The following HTD2 variants were observed in gnomAD, a reference collection of about 807,000 sequenced individuals.
HTD2 encodes hydroxyacyl-thioester dehydratase type 2, also known as hydroxyacyl-thioester dehydratase type 2, mitochondrial.
Under a neutral mutation model 3.1 loss-of-function variants are expected in HTD2, and 1 was observed. The observed-to-expected ratio is 0.32, with a 90% CI of 0.11 to 1.52. HTD2 has a LOEUF of 1.52. Ranked by LOEUF, HTD2 falls within the 40% of genes most tolerant of loss-of-function variation. HTD2 has a pLI of 0.39. For synonymous variants in HTD2, 50 were observed against 28.9 expected (o/e 1.73, Z -2.34); for missense variants, 150 against 79.6 (o/e 1.88, Z -3.36).
chr3:58,308,127 C>A (rs1273724502), intron 1 of HTD2: 2 of 152,106 alleles, frequency 1.3e-5, no homozygotes, highest in Non-Finnish European at 2.9e-5. Flanking sequence ...TTCTCCCTGC[C>A]CTTCTAGTTA....
chr3:58,316,776 T>TA lies in HTD2; in HGVS notation c.-253-138dup, dbSNP rs552071724. 117 of 884,546 alleles carry TA rather than the reference T, an allele frequency of 1.3e-4. No individual in the cohort carries two copies. In the East Asian group the frequency reaches 2.3e-3, roughly 18 times the overall value. 54.8% of individuals were successfully genotyped at this position (884,546 alleles called of 1,614,324 possible). The stretch of plus-strand genomic sequence containing the variant: ...CTTGTACTCTAGAGAGGGCAAAACT[T>TA]ACGATTTGGTTACAGCTGTAGTTTT... On this transcript the variant is annotated intron_variant, in intron 3 of 4. Coordinates refer to ENST00000461393, the MANE Select transcript of HTD2 (RefSeq NM_001348712.2).
rs981160076 is a variant in HTD2, at chr3:58,319,907, C to T, written c.*1787C>T. ...TTTTCAGAATATCCACAAAGTTGTA[C>T]AACCATCACCAAATCAATTTTTTAT... On this transcript the variant is annotated 3_prime_UTR_variant, in exon 5 of 5. Coordinates refer to ENST00000461393, the MANE Select transcript of HTD2 (RefSeq NM_001348712.2). 3 of 152,098 alleles carry T rather than the reference C, an allele frequency of 2.0e-5. No homozygotes were observed. Among genetic ancestry groups the T allele is most frequent in the Non-Finnish European group, 4.4e-5 (3 of 68,010 alleles). The allele number at this position is 152,098 out of a possible 1,614,324, so 9.4% of individuals were successfully genotyped here. A position where few individuals can be genotyped will look rare whatever the true frequency, so the allele number is the denominator to read the frequency against.
chr3:58,308,067 TAAA>T (rs10576231), intron 1 of HTD2: 10,552 of 152,096 alleles, frequency 0.069, 469 homozygotes, highest in Middle Eastern at 0.088. Context: ...GCAGTAACAC[TAAA>T]AAACATTTAT....
intron 2 of HTD2, among the ~76,000 whole-genome samples, chr3:58,314,635 T>C (rs2097486234): frequency 6.7e-6 from 1 of 149,826 alleles, no homozygotes; most frequent in African/African-American, 2.4e-5. Flanking sequence ...ACAGTGAGTA[T>C]GTAAAATGGT....
At chr3:58,310,708 G>A in intron 2 of HTD2, 117 bp downstream of exon 2, 1 of 758,254 alleles carries the variant, frequency 1.3e-6, no homozygotes, top group South Asian at 1.7e-5. Context: ...GAGGTGGGCA[G>A]ATCATGAGGT....
rs990396565 is a variant in HTD2, at chr3:58,308,446, GTTAAT to G, written c.-416+1800_-416+1804del. ...CTACAGGCACACACTACCATGCCTG[GTTAAT>G]TTAAGTTTTTTTGTTTTTTTTTTTA... On this transcript the variant is annotated intron_variant, in intron 1 of 4. Transcript: ENST00000461393. Among the ~76,000 whole-genome samples the G allele has an allele frequency of 1.1e-4, 15 of 141,594 alleles. No individual in the cohort carries two copies. The East Asian group carries it at 1.1e-3, about 11-fold the overall frequency. The allele number at this position is 141,594 out of a possible 152,430, so 92.9% of individuals were successfully genotyped here. A position where few individuals can be genotyped will look rare whatever the true frequency, so the allele number is the denominator to read the frequency against.
At chr3:58,317,083 A>C (rs1464357094) in intron 4 of HTD2, 90 bp downstream of exon 4, 1 of 928,960 alleles carries the variant, frequency 1.1e-6, no homozygotes, top group African/African-American at 1.6e-5. Context: ...GTGCTTGCAT[A>C]AATGTAATAT....
intron 2 of HTD2, among the ~76,000 whole-genome samples, chr3:58,314,677 T>A (rs1183980261): frequency 1.9e-3 from 126 of 65,674 alleles, no homozygotes; most frequent in African/African-American, 0.01. Flanking sequence ...TTGGCAGTAT[T>A]TTTTTTTTTT....
At chr3:58,307,436 A>C (rs561704626) in intron 1 of HTD2, among the ~76,000 whole-genome samples, 178 of 152,102 alleles carry the variant, frequency 1.2e-3, no homozygotes, top group African/African-American at 4.0e-3. Context: ...AAAAAGGCTG[A>C]CTCTAGGCCG....
At chr3:58,314,936 T>G (rs1275639685) in intron 2 of HTD2, among the ~76,000 whole-genome samples, 1 of 151,990 alleles carries the variant, frequency 6.6e-6, no homozygotes, top group African/African-American at 2.4e-5. Flanking sequence ...CCGCCTGCCT[T>G]GGCCTCCCAA....
chr3:58,317,910 A>C lies in HTD2; in HGVS notation c.297A>C (p.Lys99Asn), dbSNP rs1409260718. ...NGLISALLGT[K>N]MPGPGCVFLS... is the part of the protein sequence containing the mutation. ...TTATCTCAGCTCTCCTAGGAACTAA[A>C]ATGCCAGGGCCAGGCTGTGTATTTC... Residue 99 changes from lysine (K) to asparagine (N), a missense_variant, in exon 5 of 5, where the codon AAA becomes AAC. By Grantham distance (94) the Lys-to-Asn change is moderately conservative (BLOSUM62 0). Transcript: ENST00000461393. 3 of 702,988 alleles carry C rather than the reference A, an allele frequency of 4.3e-6. No homozygotes were observed. The Admixed American group carries it at 6.0e-5, about 14-fold the overall frequency. 43.5% of individuals were successfully genotyped at this position (702,988 alleles called of 1,614,324 possible).
At chr3:58,307,439 C>G (rs17059163) in intron 1 of HTD2, among the ~76,000 whole-genome samples, 1 of 152,150 alleles carries the variant, frequency 6.6e-6, no homozygotes, top group Non-Finnish European at 1.5e-5. Context: ...AAGGCTGACT[C>G]TAGGCCGGGC....
intron 1 of HTD2, among the ~76,000 whole-genome samples, chr3:58,309,702 C>T (rs1413830060): frequency 6.6e-6 from 1 of 152,020 alleles, no homozygotes; most frequent in African/African-American, 2.4e-5. Flanking sequence ...CCAGCCTGAC[C>T]AATATGGTGA....
chr3:58,320,166 GAAT>G lies in HTD2; in HGVS notation c.*2051_*2053del. The G allele has an allele frequency of 6.6e-6, 1 of 151,930 alleles. No homozygotes were observed. The highest frequency in any genetic ancestry group is 1.9e-4 in the East Asian group (1 of 5,186). 9.4% of individuals were successfully genotyped at this position (151,930 alleles called of 1,614,324 possible). ...CAGTACATCATTTTATTTTATGGCT[GAAT>G]AATATTCCATTGTATTTACCCATAC... On this transcript the variant is annotated 3_prime_UTR_variant, in exon 5 of 5. Transcript: ENST00000461393.
chr3:58,310,591 G>C lies in HTD2; in HGVS notation c.-331G>C, dbSNP rs759721296. ...CGGCTGTGAAGGACCTGTTTGGGGA[G>C]GTATGGAATCACTTGGTAGATTGAA... On this transcript the variant is annotated splice_region_variant and 5_prime_UTR_variant, in exon 2 of 5. Coordinates refer to ENST00000461393, the MANE Select transcript of HTD2 (RefSeq NM_001348712.2). The C allele has an allele frequency of 2.5e-6, 4 of 1,609,036 alleles. No individual in the cohort carries two copies. The highest frequency in any genetic ancestry group is 3.4e-6 in the Non-Finnish European group (4 of 1,177,870).
Position 58,318,178 on chromosome 3 carries a change from G to T in HTD2, c.*58G>T. On this transcript the variant is annotated 3_prime_UTR_variant, in exon 5 of 5. Coordinates refer to ENST00000461393, the MANE Select transcript of HTD2 (RefSeq NM_001348712.2). ...CAATGCTGTTGTTAAAGAGCCTATG[G>T]GGAATTGCTGCTCTTTACCAAAGAA... 1.7e-6 allele frequency: 1 copy of T among 605,602 alleles called. No individual in the cohort carries two copies. Among genetic ancestry groups the T allele is most frequent in the South Asian group, 2.0e-5 (1 of 49,444 alleles). The allele number at this position is 605,602 out of a possible 1,614,324, so 37.5% of individuals were successfully genotyped here.
At chr3:58,313,186 G>T (rs2107505000) in intron 2 of HTD2, among the ~76,000 whole-genome samples, 1 of 151,964 alleles carries the variant, frequency 6.6e-6, no homozygotes. Context: ...ATGAACCCGG[G>T]AGGTGGAGCT....
rs553017955 is a variant in HTD2, at chr3:58,318,326, T to C, written c.*206T>C. ...AGACTTGAGTGTATGCAGGATTTCA[T>C]TATCTGCCTGGGTTTTTTGTTTGTT... On this transcript the variant is annotated 3_prime_UTR_variant, in exon 5 of 5. Coordinates refer to ENST00000461393, the MANE Select transcript of HTD2 (RefSeq NM_001348712.2). 1.6e-4 allele frequency: 70 copies of C among 444,250 alleles called. No individual in the cohort carries two copies. The highest frequency in any genetic ancestry group is 1.3e-3 in the African/African-American group (65 of 49,290). 27.5% of individuals were successfully genotyped at this position (444,250 alleles called of 1,614,324 possible). A position where few individuals can be genotyped will look rare whatever the true frequency, so the allele number is the denominator to read the frequency against.
At chr3:58,307,193 T>TCTA (rs1198276799) in intron 1 of HTD2, among the ~76,000 whole-genome samples, 1 of 151,850 alleles carries the variant, frequency 6.6e-6, no homozygotes, top group Non-Finnish European at 1.5e-5. Flanking sequence ...AAGTCAGAGG[T>TCTA]GTAGAGGGAG....
Sources: gnomAD v4.1 joint callset for allele counts (sites outside exome capture counted in the v4.1 genomes callset) on GRCh38, gnomAD v4.1.1 for gene constraint, MANE v1.5 for transcripts, NCBI Gene and HGNC (gene_info 2026-07-23, HGNC 2026-07-21) for gene names.